KCNMA1: variants seen among roughly 807,000 people sequenced by gnomAD.
KCNMA1 encodes potassium calcium-activated channel subfamily M alpha 1, also known as Calcium-activated potassium channel subunit alpha-1.
In KCNMA1, 29 loss-of-function variants were observed where a neutral mutation model predicts 140.0. The observed-to-expected ratio is 0.21, with a 90% CI of 0.15 to 0.28. The LOEUF (loss-of-function observed/expected upper bound fraction) is 0.28. KCNMA1 is among the 10% of genes least tolerant of loss of function. The probability of loss-of-function intolerance (pLI) is 1.00; values close to 1 mark genes in which losing one functional copy is unlikely to be tolerated. For missense variants in KCNMA1, 880 were observed against 1,602.2 expected (o/e 0.55, Z 7.70); for synonymous variants, 612 against 611.9 (o/e 1.00, Z 0.00).
intron 1 of KCNMA1, among the ~76,000 whole-genome samples, chr10:77,457,872 GAA>G (rs1175575290): frequency 6.6e-6 from 1 of 151,974 alleles, no homozygotes; most frequent in Non-Finnish European, 1.5e-5. Context: ...TCCATTCCAG[GAA>G]AAAAAGTTAT....
intron 1 of KCNMA1, among the ~76,000 whole-genome samples, chr10:77,454,918 T>C (rs1468771302): frequency 6.6e-6 from 1 of 152,154 alleles, no homozygotes; most frequent in Non-Finnish European, 1.5e-5. Flanking sequence ...CTGCAGTCTG[T>C]CTGCACCATT....
At chr10:77,382,858 T>A (rs1603449473) in intron 2 of KCNMA1, among the ~76,000 whole-genome samples, 1 of 68,540 alleles carries the variant, frequency 1.5e-5, no homozygotes, top group African/African-American at 6.5e-5. Context: ...AGAGCAAAGC[T>A]CCGTCTCAAA....
At chr10:76,881,567 AG>A (rs2034672329), downstream of KCNMA1, among the ~76,000 whole-genome samples, 1 of 152,206 alleles carries the variant, frequency 6.6e-6, no homozygotes, top group Non-Finnish European at 1.5e-5. Flanking sequence ...GAGTTTGTAT[AG>A]GTAACTAAAG....
intron 2 of KCNMA1, among the ~76,000 whole-genome samples, chr10:77,370,091 CT>C (rs1301778228): frequency 6.6e-6 from 1 of 152,162 alleles, no homozygotes; most frequent in Non-Finnish European, 1.5e-5. Context: ...CTGAAGTCAG[CT>C]CTGTTTCTGT....
At chr10:77,012,103 C>T in intron 17 of KCNMA1, 60 bp from the exon 18 acceptor site, 4 of 1,609,888 alleles carry the variant, frequency 2.5e-6, no homozygotes, top group Non-Finnish European at 2.5e-6. Context: ...GAAATGAGTA[C>T]CACATTTCCT....
intron 19 of KCNMA1, among the ~76,000 whole-genome samples, chr10:76,976,090 A>G (rs1223441305): frequency 6.6e-6 from 1 of 152,224 alleles, no homozygotes; most frequent in African/African-American, 2.4e-5. Flanking sequence ...TTTACTTGGA[A>G]AACCTAATGG....
intron 25 of KCNMA1, among the ~76,000 whole-genome samples, chr10:76,905,656 G>T (rs112778341): frequency 0.012 from 1,862 of 152,042 alleles, 39 homozygotes; most frequent in African/African-American, 0.041. Flanking sequence ...CAGCTTCAAT[G>T]TTACCTCCTA....
intron 1 of KCNMA1, among the ~76,000 whole-genome samples, chr10:77,489,010 C>T (rs1327639455): frequency 6.6e-6 from 1 of 152,168 alleles, no homozygotes; most frequent in Admixed American, 6.5e-5. Flanking sequence ...CACTCAAGGC[C>T]CACCTGCCCC....
At chr10:77,359,937 T>C (rs1170374198) in intron 2 of KCNMA1, among the ~76,000 whole-genome samples, 1 of 151,798 alleles carries the variant, frequency 6.6e-6, no homozygotes, top group Non-Finnish European at 1.5e-5. Flanking sequence ...AGGCAGAAAA[T>C]GGGGGTGAGA....
intron 13 of KCNMA1, 96 bp downstream of exon 13, chr10:77,079,385 T>TGTGTGTGC (rs2096498418): frequency 1.3e-6 from 1 of 754,806 alleles, no homozygotes; most frequent in Non-Finnish European, 2.4e-6. Flanking sequence ...TGTGTGTGTG[T>TGTGTGTGC]GTGTGTGTGT....
downstream of KCNMA1, chr10:76,877,602 ATC>A: frequency 1.4e-6 from 1 of 725,080 alleles, no homozygotes; most frequent in South Asian, 1.9e-5. Context: ...AAAGAGAAAG[ATC>A]TGTCTACTTT....
At chr10:77,375,030 A>G (rs569486166) in intron 2 of KCNMA1, among the ~76,000 whole-genome samples, 8 of 91,768 alleles carry the variant, frequency 8.7e-5, no homozygotes, top group South Asian at 7.2e-4. Context: ...GACTTACCCA[A>G]TGCAGTCATC....
intron 2 of KCNMA1, among the ~76,000 whole-genome samples, chr10:77,271,433 CA>C (rs1457211960): frequency 1.3e-5 from 2 of 152,156 alleles, no homozygotes; most frequent in African/African-American, 4.8e-5. Context: ...AAAAGAAGCA[CA>C]AGAGTTAAGG....
chr10:77,538,976 A>C (rs973778115), intron 1 of KCNMA1, among the ~76,000 whole-genome samples: 1 of 152,204 alleles, frequency 6.6e-6, no homozygotes, highest in Admixed American at 6.5e-5. Context: ...CCTGCTGAGC[A>C]GTAACCTGTC....
intron 1 of KCNMA1, among the ~76,000 whole-genome samples, chr10:77,463,976 C>G (rs2097927318): frequency 6.6e-6 from 1 of 152,160 alleles, no homozygotes; most frequent in African/African-American, 2.4e-5. Flanking sequence ...GCGGCATCTG[C>G]ATCACCAGGG....
chr10:77,493,176 G>A (rs899479694), intron 1 of KCNMA1, among the ~76,000 whole-genome samples: 4 of 152,230 alleles, frequency 2.6e-5, no homozygotes, highest in Non-Finnish European at 4.4e-5. Context: ...CTTCCTAAAT[G>A]CAGAGCCCTG....
intron 2 of KCNMA1, among the ~76,000 whole-genome samples, chr10:77,306,288 G>A (rs1391305560): frequency 2.0e-5 from 3 of 152,200 alleles, no homozygotes; most frequent in African/African-American, 7.2e-5. Context: ...TAACACATGG[G>A]GGTTCATTAG....
chr10:76,955,477 A>T (rs1269255692), intron 20 of KCNMA1, among the ~76,000 whole-genome samples: 1 of 152,168 alleles, frequency 6.6e-6, no homozygotes, highest in East Asian at 1.9e-4. Flanking sequence ...CCAAATGACA[A>T]ATACTATGTG....
chr10:77,500,003 G>A (rs577112985), intron 1 of KCNMA1, among the ~76,000 whole-genome samples: 53 of 152,082 alleles, frequency 3.5e-4, no homozygotes, highest in Non-Finnish European at 6.8e-4. Context: ...AGGAGTAAGA[G>A]GCTATTTCAC....
Sources: allele counts gnomAD v4.1 joint callset (sites outside exome capture counted in the v4.1 genomes callset), GRCh38; gene constraint gnomAD v4.1.1; transcripts MANE v1.5; gene names NCBI Gene and HGNC (gene_info 2026-07-23, HGNC 2026-07-21).